RCOR3: variants seen among roughly 807,000 people sequenced by gnomAD.
The protein encoded by RCOR3 is REST corepressor 3.
Under a neutral mutation model 64.1 loss-of-function variants are expected in RCOR3, and 13 were observed. The observed-to-expected ratio is 0.20, with a 90% CI of 0.13 to 0.32. RCOR3 has a LOEUF of 0.32. Among genes scored for constraint, RCOR3 ranks in the 10% least tolerant of loss-of-function variants. The pLI, the probability that RCOR3 is intolerant of heterozygous loss-of-function variation, is 1.00. For missense variants in RCOR3, 489 were observed against 701.2 expected (o/e 0.70, Z 3.42); for synonymous variants, 215 against 239.0 (o/e 0.90, Z 0.93).
At chr1:211,276,809 C>T (rs1006674298) in intron 5 of RCOR3, among the ~76,000 whole-genome samples, 7 of 151,876 alleles carry the variant, frequency 4.6e-5, no homozygotes, top group Non-Finnish European at 7.4e-5. Flanking sequence ...CATATTAGGC[C>T]GGGCGCGGTG....
intron 10 of RCOR3, among the ~76,000 whole-genome samples, chr1:211,310,830 A>G (rs947782458): frequency 1.3e-5 from 2 of 152,204 alleles, no homozygotes; most frequent in African/African-American, 4.8e-5. Context: ...ACTTCTTCCT[A>G]GGAATACAGT....
chr1:211,268,606 A>T (rs1695635609), intron 2 of RCOR3, among the ~76,000 whole-genome samples: 1 of 151,640 alleles, frequency 6.6e-6, no homozygotes. Flanking sequence ...CGAACTCCCG[A>T]CCTCAGGTGA....
rs1351251040 is a variant in RCOR3, at chr1:211,314,195, CTTTT to C, written c.*430_*433del. The C allele has an allele frequency of 1.9e-5, 3 of 154,134 alleles. No individual in the cohort carries two copies. The highest frequency in any genetic ancestry group is 6.5e-5 in the Admixed American group (1 of 15,408). 9.5% of individuals were successfully genotyped at this position (154,134 alleles called of 1,614,324 possible). On this transcript the variant is annotated 3_prime_UTR_variant, in exon 12 of 12. Transcript: ENST00000419091. ...AGTTTCTTAAGTTAAGGATGTTTGGCTTTTTTCTTTAATTTTTTAAAAACCATTT... is the reference window on the plus strand; with the variant it reads ...AGTTTCTTAAGTTAAGGATGTTTGGCTTCTTTAATTTTTTAAAAACCATTT...
chr1:211,302,656 A>G (rs1470118681), intron 9 of RCOR3: 2 of 152,204 alleles, frequency 1.3e-5, no homozygotes, highest in African/African-American at 4.8e-5. Context: ...ACTGCAATCA[A>G]CCTTTTATTT....
intron 7 of RCOR3, among the ~76,000 whole-genome samples, chr1:211,284,159 T>C (rs1698208002): frequency 6.6e-6 from 1 of 151,960 alleles, no homozygotes; most frequent in South Asian, 2.1e-4. Flanking sequence ...GTTCACGCCA[T>C]TCTCCTACCT....
At position 211,295,701 on chromosome 1, in the gene RCOR3, G is replaced by A; in HGVS notation, c.965G>A (p.Ser322Asn). 1 of 1,613,640 alleles carries A rather than the reference G, an allele frequency of 6.2e-7. No individual in the cohort carries two copies. The highest frequency in any genetic ancestry group is 8.5e-7 in the Non-Finnish European group (1 of 1,179,780). ...GTTCAGAATGCTAAGCAAGTAAACA[G>A]TGCACTTAAACAGAAAATGGAAGGT... is the stretch of plus-strand genomic sequence containing the variant. ...RQVQNAKQVNSALKQKMEGGI... is the reference protein window; with the variant it reads ...RQVQNAKQVNNALKQKMEGGI... Residue 322 changes from serine to asparagine, a missense_variant, in exon 9 of 12, where the codon AGT becomes AAT. Physicochemically the swap from Ser to Asn is conservative, Grantham distance 46 (BLOSUM62 1). Transcript: ENST00000419091.
chr1:211,278,036 A>G (rs1697255694), intron 5 of RCOR3, 81 bp from the exon 6 acceptor site: 1 of 1,268,676 alleles, frequency 7.9e-7, no homozygotes, highest in African/African-American at 1.6e-5. Context: ...TTATGCCTTT[A>G]CTAAATAGTA....
chr1:211,289,762 G>C (rs1699013712), intron 8 of RCOR3, among the ~76,000 whole-genome samples: 1 of 151,380 alleles, frequency 6.6e-6, no homozygotes, highest in South Asian at 2.1e-4. Context: ...CTCAGTGAGT[G>C]ATGGTTGTTG....
intron 9 of RCOR3, chr1:211,302,277 CA>C (rs1381795223): frequency 1.3e-5 from 2 of 152,250 alleles, no homozygotes; most frequent in East Asian, 3.9e-4. Context: ...GCGTACTTTG[CA>C]AAAGATGAGA....
chr1:211,275,112 A>AT (rs1307709156), intron 4 of RCOR3, among the ~76,000 whole-genome samples: 2 of 151,808 alleles, frequency 1.3e-5, no homozygotes, highest in Admixed American at 6.6e-5. Flanking sequence ...AAATTACAGA[A>AT]TAATGAAATG....
chr1:211,285,176 T>G (rs1375158350), intron 7 of RCOR3, among the ~76,000 whole-genome samples: 1 of 152,258 alleles, frequency 6.6e-6, no homozygotes, highest in African/African-American at 2.4e-5. Flanking sequence ...TGTATCTTAT[T>G]TCTTCTCTTG....
chr1:211,270,387 C>T (rs1695973385), intron 2 of RCOR3, among the ~76,000 whole-genome samples: 1 of 152,074 alleles, frequency 6.6e-6, no homozygotes, highest in South Asian at 2.1e-4. Flanking sequence ...CTTGACTTTT[C>T]TTCTAATGTA....
chr1:211,282,114 A>G (rs571300393), intron 7 of RCOR3, among the ~76,000 whole-genome samples: 36 of 152,326 alleles, frequency 2.4e-4, no homozygotes, highest in African/African-American at 6.5e-4. Flanking sequence ...TTGCCCAACT[A>G]TGCAAGATGA....
chr1:211,303,906 G>T (rs1700619238), intron 9 of RCOR3, 177 bp from the exon 10 acceptor site: 1 of 433,432 alleles, frequency 2.3e-6, no homozygotes. Context: ...TTATCTTTCT[G>T]CATGGGTAAA....
At chr1:211,301,036 G>A (rs1700330559) in intron 9 of RCOR3, among the ~76,000 whole-genome samples, 1 of 151,910 alleles carries the variant, frequency 6.6e-6, no homozygotes, top group Admixed American at 6.6e-5. Flanking sequence ...TGGGTGTGTT[G>A]ACAGACTGTG....
rs545513442 is a variant in RCOR3, at chr1:211,308,673, G to GTTTTTTTTTTTTT, written c.1076-4037_1076-4036insTTTTTTTTTTTTT. On this transcript the variant is annotated intron_variant, in intron 10 of 11. Transcript: ENST00000419091. ...GTCTTTTGGATGTGTTTTTTTTTTTGTTTTTTTTTTGTTTTTTTTTTTTTT... is the reference window on the plus strand; with the variant it reads ...GTCTTTTGGATGTGTTTTTTTTTTTGTTTTTTTTTTTTTTTTTTTTTTTGTTTTTTTTTTTTTT... Among the ~76,000 whole-genome samples the GTTTTTTTTTTTTT allele has an allele frequency of 9.1e-4, 37 of 40,474 alleles. 1 individual carries two copies. Among genetic ancestry groups the GTTTTTTTTTTTTT allele is most frequent in the Non-Finnish European group, 1.3e-3 (25 of 18,608 alleles). The allele number at this position is 40,474 out of a possible 152,430, so 26.6% of individuals were successfully genotyped here. A position where few individuals can be genotyped will look rare whatever the true frequency, so the allele number is the denominator to read the frequency against.
chr1:211,263,773 A>G (rs1349479065), intron 2 of RCOR3, among the ~76,000 whole-genome samples: 2 of 152,088 alleles, frequency 1.3e-5, no homozygotes, highest in Non-Finnish European at 2.9e-5. Flanking sequence ...GTGAGAATAT[A>G]AACATTACCT....
At chr1:211,296,133 T>C (rs1180896213) in intron 9 of RCOR3, among the ~76,000 whole-genome samples, 1 of 152,178 alleles carries the variant, frequency 6.6e-6, no homozygotes, top group African/African-American at 2.4e-5. Flanking sequence ...AAAAATATCA[T>C]GAAAACAAGC....
intron 8 of RCOR3, among the ~76,000 whole-genome samples, chr1:211,295,339 CTTAT>C (rs1233242417): frequency 1.3e-5 from 2 of 151,902 alleles, no homozygotes; most frequent in South Asian, 2.1e-4. Context: ...TGGAAAAATT[CTTAT>C]TTAGTCAAAA....
Sources: gnomAD v4.1 joint callset for allele counts (sites outside exome capture counted in the v4.1 genomes callset) on GRCh38, gnomAD v4.1.1 for gene constraint, MANE v1.5 for transcripts, NCBI Gene and HGNC (gene_info 2026-07-23, HGNC 2026-07-21) for gene names.